The following TENM1 variants were observed in gnomAD, a reference collection of about 807,000 sequenced individuals.
The protein encoded by TENM1 is teneurin transmembrane protein 1, also known as teneurin-1.
Under a neutral mutation model 174.8 loss-of-function variants are expected in TENM1, and 35 were observed. That is an observed-to-expected ratio of 0.20 (90% CI 0.15 to 0.27). TENM1 has a LOEUF of 0.27. TENM1 is among the 10% of genes least tolerant of loss of function. The probability of loss-of-function intolerance (pLI) is 1.00; values close to 1 mark genes in which losing one functional copy is unlikely to be tolerated. For missense variants in TENM1, 1,633 were observed against 2,130.1 expected, an observed-to-expected ratio of 0.77 and a Z score of 4.59; for synonymous variants, 781 against 798.7, an observed-to-expected ratio of 0.98 and a Z score of 0.37.
At chrX:124,895,590 C>T (rs1452939877) in intron 2 of TENM1, among the ~76,000 whole-genome samples, 1 of 111,763 alleles carries the variant, frequency 8.9e-6, no homozygotes, top group Non-Finnish European at 1.9e-5. Context: ...GCTTGCTACA[C>T]AACTGTTCAT....
chrX:124,523,404 C>G, exon 17 of TENM1: 1 of 1,211,641 alleles, frequency 8.3e-7, no homozygotes, highest in Non-Finnish European at 1.1e-6. Flanking sequence ...TGGACAGGAC[C>G]CTCCAAATGA....
chrX:124,719,282 C>T (rs1227790418), intron 4 of TENM1, among the ~76,000 whole-genome samples: 1 of 109,993 alleles, frequency 9.1e-6, no homozygotes, highest in African/African-American at 3.3e-5. Flanking sequence ...TACCCTGAAC[C>T]CTAGGGCCAG....
At chrX:125,160,916 G>A in the TENM1 span, among the ~76,000 whole-genome samples, 1 of 109,146 alleles carries the variant, frequency 9.2e-6, no homozygotes, top group Middle Eastern at 4.8e-3. Context: ...GCTAACTGAT[G>A]ACCCAGCAAT....
intron 22 of TENM1, among the ~76,000 whole-genome samples, chrX:124,456,896 T>A (rs1211867074): frequency 8.9e-6 from 1 of 112,156 alleles, no homozygotes; most frequent in Non-Finnish European, 1.9e-5. Flanking sequence ...CTGACAGCAT[T>A]TTCATTAGCA....
chrX:124,928,798 A>C (rs2058127092), intron 1 of TENM1, among the ~76,000 whole-genome samples: 1 of 111,425 alleles, frequency 9.0e-6, no homozygotes, highest in African/African-American at 3.3e-5. Flanking sequence ...CTGTCCAGTA[A>C]ATCAGTACCA....
At chrX:124,747,149 CAATAAATA>C (rs201159170) in intron 3 of TENM1, among the ~76,000 whole-genome samples, 20 of 99,867 alleles carry the variant, frequency 2.0e-4, no homozygotes, top group African/African-American at 5.0e-4. Context: ...AAGACTATTT[CAATAAATA>C]AATAAATAAA....
intron 4 of TENM1, among the ~76,000 whole-genome samples, chrX:124,721,336 G>GCC (rs1180972519): frequency 1.5e-4 from 17 of 111,502 alleles, no homozygotes; most frequent in Admixed American, 1.4e-3. Flanking sequence ...CAACCCTGAT[G>GCC]TACTATAAGA....
At chrX:124,869,383 G>A (rs1295398427) in intron 3 of TENM1, among the ~76,000 whole-genome samples, 1 of 111,899 alleles carries the variant, frequency 8.9e-6, no homozygotes, top group Non-Finnish European at 1.9e-5. Context: ...ATGGAGAACA[G>A]TTTGGAGATT....
chrX:124,882,270 C>T (rs1183221117), intron 3 of TENM1, among the ~76,000 whole-genome samples: 1 of 111,725 alleles, frequency 9.0e-6, no homozygotes, highest in Non-Finnish European at 1.9e-5. Flanking sequence ...GTTTTGTGTC[C>T]TAACATGTGG....
exon 32 of TENM1, chrX:124,380,237 C>CA (rs1425897297): frequency 8.9e-6 from 2 of 225,729 alleles, no homozygotes; most frequent in African/African-American, 5.8e-5. Context: ...GATATTGGAA[C>CA]ATATGCATGG....
intron 20 of TENM1, among the ~76,000 whole-genome samples, chrX:124,491,854 G>A (rs927940055): frequency 9.0e-6 from 1 of 111,418 alleles, no homozygotes. Context: ...GGAATTACTC[G>A]ATGTGGCCAA....
chrX:124,817,594 G>A (rs1455042134), intron 3 of TENM1, among the ~76,000 whole-genome samples: 2 of 111,362 alleles, frequency 1.8e-5, no homozygotes, highest in Non-Finnish European at 3.8e-5. Flanking sequence ...TTTCACAGGA[G>A]AGGAAACTAA....
chrX:124,651,565 GAACTT>G (rs774954062), intron 8 of TENM1, among the ~76,000 whole-genome samples: 7 of 111,412 alleles, frequency 6.3e-5, no homozygotes, highest in African/African-American at 1.3e-4. Flanking sequence ...AAAAATAACA[GAACTT>G]AAATTAACTT....
At chrX:124,403,904 C>A (rs1432720512) in intron 27 of TENM1, among the ~76,000 whole-genome samples, 2 of 111,105 alleles carry the variant, frequency 1.8e-5, no homozygotes, top group Admixed American at 9.5e-5. Flanking sequence ...AAAACACTCA[C>A]CCCGTCATTC....
the TENM1 span, among the ~76,000 whole-genome samples, chrX:125,097,739 C>T: frequency 2.7e-5 from 3 of 112,115 alleles, no homozygotes; most frequent in South Asian, 3.7e-4. Flanking sequence ...TTGCACAGAT[C>T]GTTACAAAAA....
intron 3 of TENM1, among the ~76,000 whole-genome samples, chrX:124,885,114 A>G (rs185488039): frequency 2.8e-4 from 31 of 111,566 alleles, no homozygotes; most frequent in Non-Finnish European, 3.8e-4. Context: ...TCTCATATAT[A>G]TGGTCTGTCA....
intron 11 of TENM1, among the ~76,000 whole-genome samples, chrX:124,598,204 T>C (rs1285049211): frequency 1.2e-4 from 1 of 8,190 alleles, no homozygotes; most frequent in Non-Finnish European, 2.1e-4. Flanking sequence ...CCAGTTAAAA[T>C]GGCATACATC....
intron 4 of TENM1, among the ~76,000 whole-genome samples, chrX:124,725,549 T>C (rs2053425786): frequency 8.9e-6 from 1 of 112,203 alleles, no homozygotes; most frequent in South Asian, 3.7e-4. Flanking sequence ...TTTTTGAGCT[T>C]TCTTGTTCTT....
chrX:124,898,175 G>T (rs1320857874), intron 1 of TENM1, among the ~76,000 whole-genome samples: 1 of 111,438 alleles, frequency 9.0e-6, no homozygotes, highest in East Asian at 2.8e-4. Context: ...TCCCATCCGT[G>T]CCTTCCAATT....
Sources: allele counts gnomAD v4.1 joint callset (sites outside exome capture counted in the v4.1 genomes callset), GRCh38; gene constraint gnomAD v4.1.1; transcripts MANE v1.5; gene names NCBI Gene and HGNC (gene_info 2026-07-23, HGNC 2026-07-21).